CIAO2A: variants seen among roughly 807,000 people sequenced by gnomAD.
CIAO2A encodes MIP18 family protein FAM96A.
A neutral mutation model predicts 22.4 loss-of-function variants in CIAO2A; 17 were observed. That is an observed-to-expected ratio of 0.76 (90% confidence interval 0.52 to 1.14). The LOEUF (loss-of-function observed/expected upper bound fraction) is 1.14. Ranked by LOEUF, CIAO2A falls within the 50% of genes most tolerant of loss-of-function variation. The probability of loss-of-function intolerance (pLI) is 0.00; values close to 1 mark genes in which losing one functional copy is unlikely to be tolerated. For synonymous variants in CIAO2A, 74 were observed against 72.3 expected (o/e 1.02, Z -0.12); for missense variants, 192 against 191.4 (o/e 1.00, Z -0.02).
At chr15:64,081,534 C>CTTTTTTTTTTTTTTTTTTTTTT (rs1567306106) in intron 2 of CIAO2A, among the ~76,000 whole-genome samples, 1 of 24,406 alleles carries the variant, frequency 4.1e-5, no homozygotes. Context: ...ACTCATTAAG[C>CTTTTTTTTTTTTTTTTTTTTTT]CTTTTTTTTT....
At chr15:64,080,777 G>A (rs2080754022) in intron 3 of CIAO2A, among the ~76,000 whole-genome samples, 1 of 152,162 alleles carries the variant, frequency 6.6e-6, no homozygotes, top group South Asian at 2.1e-4. Context: ...AAGTGGGAAC[G>A]CAGAATGGTG....
chr15:64,083,717 C>T (rs62023393), intron 2 of CIAO2A, among the ~76,000 whole-genome samples: 15,264 of 152,056 alleles, frequency 0.1, 1,046 homozygotes, highest in Middle Eastern at 0.18. Flanking sequence ...CCGAGGTGGG[C>T]GGATCACTTG....
chr15:64,086,614 ATTT>A (rs35461939), intron 2 of CIAO2A, among the ~76,000 whole-genome samples: 312 of 142,080 alleles, frequency 2.2e-3, no homozygotes, highest in Middle Eastern at 3.6e-3. Context: ...TAGCAATGGG[ATTT>A]TTTTTTTTTT....
rs550076284 is a variant in CIAO2A at position 64,083,580 on chromosome 15, G to C, written c.290-2429C>G. 7.2e-5 allele frequency among the ~76,000 whole-genome samples: 11 copies of C among 152,248 alleles called. No homozygotes were observed. In the East Asian group the frequency reaches 1.5e-3, roughly 21 times the overall value. The stretch of plus-strand genomic sequence containing the variant: ...CTGTTAACACATCAGACAGACGAAG[G>C]CTTCTCTCAAGTTTTCCAGCTGTGT... On this transcript the variant is annotated intron_variant, in intron 2 of 4. Transcript: ENST00000300030.
At chr15:64,086,220 C>A (rs1386577065) in intron 2 of CIAO2A, among the ~76,000 whole-genome samples, 2 of 151,548 alleles carry the variant, frequency 1.3e-5, no homozygotes, top group East Asian at 3.9e-4. Context: ...ACCAGCCTGG[C>A]CAACATAGTG....
intron 2 of CIAO2A, among the ~76,000 whole-genome samples, chr15:64,084,764 C>A (rs192644497): frequency 4.6e-5 from 7 of 150,850 alleles, no homozygotes; most frequent in Non-Finnish European, 8.9e-5. Flanking sequence ...AGTGAAACTC[C>A]GTCTCAAAAA....
intron 1 of CIAO2A, among the ~76,000 whole-genome samples, chr15:64,089,603 T>G (rs766331886): frequency 4.6e-5 from 7 of 152,030 alleles, no homozygotes; most frequent in Non-Finnish European, 8.8e-5. Flanking sequence ...TTTTAGAGTA[T>G]GAGATTTGGG....
At position 64,088,404 on chromosome 15, in the gene CIAO2A, C is replaced by T. The variant is rs560477076; in HGVS notation, c.289+283G>A. Among the ~76,000 whole-genome samples the T allele has an allele frequency of 8.5e-5, 13 of 152,286 alleles. No individual in the cohort carries two copies. The East Asian group carries it at 2.3e-3, about 27-fold the overall frequency. ...GGAGTCAGGAGACCTGGGTATGAGC[C>T]TTAGTTTCACCATTTCCTGGCTACC... On this transcript the variant is annotated intron_variant, in intron 2 of 4. Coordinates refer to ENST00000300030, the MANE Select transcript of CIAO2A (RefSeq NM_032231.7).
chr15:64,093,514 AAAACAAAC>A (rs752283548), intron 1 of CIAO2A, 123 bp downstream of exon 1: 26 of 1,170,860 alleles, frequency 2.2e-5, no homozygotes, highest in Non-Finnish European at 3.1e-5. Context: ...GATCTGGCCA[AAAACAAAC>A]AAACAAACAA....
intron 3 of CIAO2A, among the ~76,000 whole-genome samples, chr15:64,076,925 T>C (rs1255618181): frequency 6.6e-6 from 1 of 152,048 alleles, no homozygotes; most frequent in East Asian, 1.9e-4. Context: ...AAGCTGGTCT[T>C]GAATTCCTGA....
chr15:64,079,026 G>A (rs750516991), intron 3 of CIAO2A, among the ~76,000 whole-genome samples: 13 of 151,212 alleles, frequency 8.6e-5, no homozygotes, highest in Admixed American at 3.3e-4. Context: ...GGGCAACAGG[G>A]TGAGACCCTG....
chr15:64,073,461 T>C (rs1024503407), intron 4 of CIAO2A, among the ~76,000 whole-genome samples: 1 of 152,232 alleles, frequency 6.6e-6, no homozygotes, highest in South Asian at 2.1e-4. Flanking sequence ...TTCTCAAAAA[T>C]GGGATTATTT....
At chr15:64,075,357 G>T in intron 4 of CIAO2A, 135 bp downstream of exon 4, 1 of 577,142 alleles carries the variant, frequency 1.7e-6, no homozygotes, top group Non-Finnish European at 3.0e-6. Flanking sequence ...CCTCACCTAG[G>T]AAGGAAGAGC....
intron 1 of CIAO2A, among the ~76,000 whole-genome samples, chr15:64,089,474 C>T (rs1335196149): frequency 6.7e-6 from 1 of 149,748 alleles, no homozygotes; most frequent in Non-Finnish European, 1.5e-5. Flanking sequence ...ATCGTGTCAC[C>T]GCACTCTAGG....
chr15:64,076,496 G>A (rs2080718203), intron 3 of CIAO2A, among the ~76,000 whole-genome samples: 1 of 152,058 alleles, frequency 6.6e-6, no homozygotes, highest in South Asian at 2.1e-4. Context: ...CTATAGACAT[G>A]AGCTACCCTC....
chr15:64,084,776 T>C (rs1470400198), intron 2 of CIAO2A, among the ~76,000 whole-genome samples: 1 of 150,154 alleles, frequency 6.7e-6, no homozygotes, highest in Non-Finnish European at 1.5e-5. Flanking sequence ...TCTCAAAAAA[T>C]AAATAAATAA....
Position 64,093,808 on chromosome 15 carries a change from C to G in CIAO2A, c.-40G>C, listed in dbSNP as rs764139480. The G allele has an allele frequency of 6.3e-7, 1 of 1,597,340 alleles. No individual in the cohort carries two copies. Among genetic ancestry groups the G allele is most frequent in the Non-Finnish European group, 8.6e-7 (1 of 1,167,676 alleles). On this transcript the variant is annotated 5_prime_UTR_variant, in exon 1 of 5. Transcript: ENST00000300030. ...ATCCCTGGCGACTGTCCCAATCGCG[C>G]CACCGTCTCTCAGCAGCCTCGGGAT... is the stretch of plus-strand genomic sequence containing the variant.
chr15:64,080,724 C>T (rs1227732946), intron 3 of CIAO2A, among the ~76,000 whole-genome samples: 1 of 151,886 alleles, frequency 6.6e-6, no homozygotes, highest in Non-Finnish European at 1.5e-5. Flanking sequence ...CACTAGAATG[C>T]CTGTAATCAA....
At chr15:64,079,172 T>G (rs1337227992) in intron 3 of CIAO2A, among the ~76,000 whole-genome samples, 1 of 151,934 alleles carries the variant, frequency 6.6e-6, no homozygotes, top group Non-Finnish European at 1.5e-5. Context: ...AAATAAAAAT[T>G]CATCTTAAAA....
Sources: allele counts gnomAD v4.1 joint callset (sites outside exome capture counted in the v4.1 genomes callset), GRCh38; gene constraint gnomAD v4.1.1; transcripts MANE v1.5; gene names NCBI Gene and HGNC (gene_info 2026-07-23, HGNC 2026-07-21).